MBOAT1: variants seen among roughly 807,000 people sequenced by gnomAD.
The protein encoded by MBOAT1 is membrane bound glycerophospholipid O-acyltransferase 1, also known as membrane-bound glycerophospholipid O-acyltransferase 1.
A neutral mutation model predicts 64.4 loss-of-function variants in MBOAT1; 67 were observed. The ratio of observed to expected loss-of-function variants is 1.04; its 90% CI spans 0.85 to 1.27. MBOAT1 has a LOEUF of 1.27. Ranked by LOEUF, MBOAT1 falls within the 50% of genes most tolerant of loss-of-function variation. The pLI, the probability that MBOAT1 is intolerant of heterozygous loss-of-function variation, is 0.00. For missense variants in MBOAT1, 563 were observed against 604.6 expected (o/e 0.93, Z 0.72); for synonymous variants, 229 against 218.9 (o/e 1.05, Z -0.41).
At chr6:20,126,757 A>G (rs1760666206) in intron 6 of MBOAT1, 57 bp from the exon 7 acceptor site, 1 of 1,268,686 alleles carries the variant, frequency 7.9e-7, no homozygotes, top group Non-Finnish European at 1.1e-6. Context: ...TTTCTTCAGA[A>G]TCTGTAAATA....
intron 1 of MBOAT1, among the ~76,000 whole-genome samples, chr6:20,161,761 C>T (rs1761869190): frequency 6.6e-6 from 1 of 152,154 alleles, no homozygotes; most frequent in East Asian, 1.9e-4. Context: ...GTGGTATATT[C>T]CCCTGCTTCA....
At chr6:20,196,862 C>CA (rs58418526) in intron 1 of MBOAT1, among the ~76,000 whole-genome samples, 64 of 145,990 alleles carry the variant, frequency 4.4e-4, no homozygotes, top group African/African-American at 1.2e-3. Flanking sequence ...AACTCCATCT[C>CA]AAAAAAAAAA....
At position 20,144,094 on chromosome 6, in the gene MBOAT1, C is replaced by T. The variant is rs1761258500; in HGVS notation, c.419+126G>A. 4.6e-6 allele frequency: 3 copies of T among 648,402 alleles called. 1 individual carries two copies. The highest frequency in any genetic ancestry group is 2.6e-5 in the East Asian group (1 of 38,604). 40.2% of individuals were successfully genotyped at this position (648,402 alleles called of 1,614,324 possible). A position where few individuals can be genotyped will look rare whatever the true frequency, so the allele number is the denominator to read the frequency against. ...AAGTCTCCAGCCTCAATCCCATTAG[C>T]AGTGTCTTACCAACTGATTTAACCA... On this transcript the variant is annotated intron_variant, in intron 4 of 12. Coordinates refer to ENST00000324607, the MANE Select transcript of MBOAT1 (RefSeq NM_001080480.3).
intron 11 of MBOAT1, 118 bp from the exon 12 acceptor site, chr6:20,109,867 C>A: frequency 1.3e-6 from 1 of 775,038 alleles, no homozygotes; most frequent in Non-Finnish European, 1.8e-6. Context: ...TAACCAACAT[C>A]TGAGTTGTAT....
chr6:20,109,901 ACTTT>A lies in MBOAT1; in HGVS notation c.1210-156_1210-153del. 52 of 297,886 alleles carry A rather than the reference ACTTT, an allele frequency of 1.7e-4. 1 individual carries two copies. The highest frequency in any genetic ancestry group is 6.8e-4 in the South Asian group (9 of 13,258). The allele number at this position is 297,886 out of a possible 1,614,324, so 18.5% of individuals were successfully genotyped here. Reference sequence around the variant, plus strand: ...ATTTTCGACTACAAATACCATCAGGACTTTTTTTTTTTTTTTTTTTTTTTTTGAG... The same window carrying A: ...ATTTTCGACTACAAATACCATCAGGATTTTTTTTTTTTTTTTTTTTTTGAG... On this transcript the variant is annotated intron_variant, in intron 11 of 12. Transcript: ENST00000324607.
rs150344875 is a variant in MBOAT1 at position 20,134,235 on chromosome 6, T to G, written c.420-3036A>C. 1.6e-3 allele frequency among the ~76,000 whole-genome samples: 242 copies of G among 152,328 alleles called. 1 individual carries two copies. The highest frequency in any genetic ancestry group is 5.7e-3 in the African/African-American group (239 of 41,578). ...CTGTTTCCAACTTGGCATCTGCTTT[T>G]CAGAGAACCCAGACAAATGCAATAC... On this transcript the variant is annotated intron_variant, in intron 4 of 12. Coordinates refer to ENST00000324607, the MANE Select transcript of MBOAT1 (RefSeq NM_001080480.3).
chr6:20,171,268 G>A (rs544769279), intron 1 of MBOAT1, among the ~76,000 whole-genome samples: 10 of 152,106 alleles, frequency 6.6e-5, no homozygotes, highest in South Asian at 4.1e-4. Flanking sequence ...TGGGTGCAGC[G>A]GCTCATGCCT....
chr6:20,156,963 A>G (rs1406362999), intron 1 of MBOAT1, among the ~76,000 whole-genome samples: 1 of 152,158 alleles, frequency 6.6e-6, no homozygotes, highest in Non-Finnish European at 1.5e-5. Flanking sequence ...AACTTTTTAC[A>G]ATAGAAAAGT....
In MBOAT1 at chr6:20,152,642, AC is replaced by A; in HGVS notation, c.226del (p.Val76SerfsTer17). 6.2e-7 allele frequency: 1 copy of A among 1,610,518 alleles called. No individual in the cohort carries two copies. Among genetic ancestry groups the A allele is most frequent in the Non-Finnish European group, 8.5e-7 (1 of 1,177,766 alleles). On this transcript the variant is annotated frameshift_variant, in exon 2 of 13. Coordinates refer to ENST00000324607, the MANE Select transcript of MBOAT1 (RefSeq NM_001080480.3). LOFTEE classifies it high-confidence loss of function. The stretch of plus-strand genomic sequence containing the variant: ...TACTCACCAGCCGAAACAAAAGATG[AC>A]AAAATAGATGCCAAAAATGGTGGCA... ...AVATIFGIYFVIFCFGWYSVH... is the reference protein window; with the variant it reads ...AVATIFGIYFXIFCFGWYSVH...
At chr6:20,154,843 T>A (rs895694885) in intron 1 of MBOAT1, among the ~76,000 whole-genome samples, 6 of 152,174 alleles carry the variant, frequency 3.9e-5, no homozygotes, top group Non-Finnish European at 4.4e-5. Flanking sequence ...AATGCAGGAC[T>A]TACATCAATG....
chr6:20,202,243 T>G (rs1763142833), intron 1 of MBOAT1, among the ~76,000 whole-genome samples: 1 of 152,214 alleles, frequency 6.6e-6, no homozygotes, highest in Non-Finnish European at 1.5e-5. Context: ...TATTTTAAAT[T>G]TTTAATTCCT....
chr6:20,109,569 G>T, intron 12 of MBOAT1, 29 bp downstream of exon 12: 1 of 1,599,468 alleles, frequency 6.3e-7, no homozygotes, highest in Admixed American at 1.7e-5. Context: ...TCATTTACGA[G>T]ATGGCAACTG....
In MBOAT1 at chr6:20,102,369, GTAT is replaced by G; in HGVS notation, c.1402_1404del (p.Ile468del). The stretch of plus-strand genomic sequence containing the variant: ...GCTTGTGGTTTCATTGGCAGAAATA[GTAT>G]TATCAGGAGACTTATGATGTGCAAA... On this transcript the variant is annotated inframe_deletion, in exon 13 of 13. Coordinates refer to ENST00000324607, the MANE Select transcript of MBOAT1 (RefSeq NM_001080480.3). 1 of 1,612,560 alleles carries G rather than the reference GTAT, an allele frequency of 6.2e-7. No individual in the cohort carries two copies. Among genetic ancestry groups the G allele is most frequent in the Non-Finnish European group, 8.5e-7 (1 of 1,178,636 alleles).
intron 1 of MBOAT1, among the ~76,000 whole-genome samples, chr6:20,177,538 C>T (rs926567396): frequency 4.6e-5 from 7 of 152,008 alleles, no homozygotes; most frequent in Non-Finnish European, 7.4e-5. Flanking sequence ...CTTTGGGAGG[C>T]CGAGGTGGGT....
chr6:20,202,035 C>T (rs1167364474), intron 1 of MBOAT1, among the ~76,000 whole-genome samples: 1 of 151,976 alleles, frequency 6.6e-6, no homozygotes, highest in Non-Finnish European at 1.5e-5. Context: ...GTCTTAGGAA[C>T]AAAGAAGTCT....
intron 1 of MBOAT1, among the ~76,000 whole-genome samples, chr6:20,168,506 AGG>A (rs1762077629): frequency 1.5e-5 from 2 of 130,472 alleles, no homozygotes; most frequent in African/African-American, 3.0e-5. Flanking sequence ...AGAGAGAGAG[AGG>A]AGAGGAGAGG....
At chr6:20,105,763 C>T (rs62404790) in intron 12 of MBOAT1, among the ~76,000 whole-genome samples, 1 of 152,112 alleles carries the variant, frequency 6.6e-6, no homozygotes, top group African/African-American at 2.4e-5. Context: ...GCCTCGGCAA[C>T]GGAGGAGACC....
In MBOAT1 at chr6:20,101,264, C is replaced by A. The variant is rs778084657; in HGVS notation, c.*1022G>T. Among the ~76,000 whole-genome samples, 1 of 152,144 alleles carries A rather than the reference C, an allele frequency of 6.6e-6. No individual in the cohort carries two copies. The highest frequency in any genetic ancestry group is 2.4e-5 in the African/African-American group (1 of 41,426). On this transcript the variant is annotated 3_prime_UTR_variant, in exon 13 of 13. Transcript: ENST00000324607. ...TGGCGCCTGTGAAATGGAAAACATT[C>A]GGAAAACAGCAGCCCCTCTTCAGCT...
intron 3 of MBOAT1, among the ~76,000 whole-genome samples, chr6:20,150,532 C>T (rs949038779): frequency 1.3e-5 from 2 of 150,160 alleles, no homozygotes; most frequent in Admixed American, 6.7e-5. Flanking sequence ...TTGAGTATAC[C>T]GATCTTTCAT....
Sources: gnomAD v4.1 joint callset for allele counts (sites outside exome capture counted in the v4.1 genomes callset) on GRCh38, gnomAD v4.1.1 for gene constraint, MANE v1.5 for transcripts, NCBI Gene and HGNC (gene_info 2026-07-23, HGNC 2026-07-21) for gene names.